Variants in CACNA2D2 observed in about 807,000 individuals in gnomAD.
CACNA2D2 encodes the protein calcium voltage-gated channel auxiliary subunit alpha2delta 2.
A neutral mutation model predicts 166.4 loss-of-function variants in CACNA2D2; 48 were observed. The observed-to-expected ratio is 0.29, with a 90% CI of 0.23 to 0.37. The LOEUF (loss-of-function observed/expected upper bound fraction) is 0.37. Ranked by LOEUF, CACNA2D2 falls within the 10% of genes least tolerant of loss-of-function variation. The probability of loss-of-function intolerance (pLI) is 1.00; values close to 1 mark genes in which losing one functional copy is unlikely to be tolerated. For synonymous variants in CACNA2D2, 561 were observed against 573.7 expected (o/e 0.98, Z 0.32); for missense variants, 1,122 against 1,433.0 (o/e 0.78, Z 3.50).
At chr3:50,481,132 A>G (rs2107115814) in intron 1 of CACNA2D2, among the ~76,000 whole-genome samples, 1 of 152,204 alleles carries the variant, frequency 6.6e-6, no homozygotes, top group Admixed American at 6.5e-5. Flanking sequence ...AAAAAACCAG[A>G]GACAGGTGAC....
At chr3:50,392,077 C>T (rs1705917016) in intron 4 of CACNA2D2, among the ~76,000 whole-genome samples, 1 of 152,178 alleles carries the variant, frequency 6.6e-6, no homozygotes, top group Non-Finnish European at 1.5e-5. Flanking sequence ...AGGTGCCTCT[C>T]CTGAGTTCTG....
rs1447034971 is a variant in CACNA2D2 at position 50,374,812 on chromosome 3, G to A, written c.1909C>T (p.Leu637=). 1.9e-6 allele frequency: 3 copies of A among 1,587,524 alleles called. No homozygotes were observed. The highest frequency in any genetic ancestry group is 2.6e-6 in the Non-Finnish European group (3 of 1,167,680). The change falls in exon 22 of 38, where the codon CTG becomes TTG. Residue 637 remains leucine, a splice_region_variant and synonymous_variant. Coordinates refer to ENST00000424201, the MANE Select transcript of CACNA2D2 (RefSeq NM_006030.4). ...WVPIRSTNYS[L]GLVLPPYSTF... ...CTGTAGGGTGGGAGCACCAGCCCCAGGCTGAGGGGGGAGAAGCTCGGGTCA... is the reference window on the plus strand; with the variant it reads ...CTGTAGGGTGGGAGCACCAGCCCCAAGCTGAGGGGGGAGAAGCTCGGGTCA...
At chr3:50,500,198 G>C (rs1354896046) in intron 1 of CACNA2D2, among the ~76,000 whole-genome samples, 1 of 152,228 alleles carries the variant, frequency 6.6e-6, no homozygotes, top group Non-Finnish European at 1.5e-5. Flanking sequence ...CACGTACTCT[G>C]GTTGTCATTA....
rs550599503 is a variant in CACNA2D2 at position 50,449,405 on chromosome 3, C to A, written c.289-14976G>T. ...CTCTAGGAGGTGATGCATGAGCAGT[C>A]GCCCAGGAGAGCTGGGGGATGGGCC... On this transcript the variant is annotated intron_variant, in intron 2 of 37. Coordinates refer to ENST00000424201, the MANE Select transcript of CACNA2D2 (RefSeq NM_006030.4). 3.1e-4 allele frequency among the ~76,000 whole-genome samples: 47 copies of A among 152,308 alleles called. No individual in the cohort carries two copies. The South Asian group carries it at 9.7e-3, about 32-fold the overall frequency.
chr3:50,390,185 G>A (rs62260810), intron 4 of CACNA2D2, among the ~76,000 whole-genome samples: 12,940 of 152,216 alleles, frequency 0.085, 737 homozygotes, highest in Middle Eastern at 0.19. Flanking sequence ...ACCTGGACAC[G>A]TGAGCTCTGG....
rs1464421918 is a variant in CACNA2D2 at position 50,376,583 on chromosome 3, G to C, written c.1627-395C>G. On this transcript the variant is annotated intron_variant, in intron 17 of 37. Coordinates refer to ENST00000424201, the MANE Select transcript of CACNA2D2 (RefSeq NM_006030.4). The surrounding 1 kb of genome is among the most constrained non-coding windows in gnomAD (Gnocchi z 4.3). ...TGCCTCCTCCTTGTCCCCACGTCAA[G>C]AGAGAGCAGCGGGACGAGTGGACCC... Among the ~76,000 whole-genome samples, 1 of 152,176 alleles carries C rather than the reference G, an allele frequency of 6.6e-6. No homozygotes were observed. The highest frequency in any genetic ancestry group is 1.5e-5 in the Non-Finnish European group (1 of 68,026).
At chr3:50,390,913 G>C (rs1369094994) in intron 4 of CACNA2D2, among the ~76,000 whole-genome samples, 1 of 152,254 alleles carries the variant, frequency 6.6e-6, no homozygotes, top group Non-Finnish European at 1.5e-5. Flanking sequence ...CTGCCCACCA[G>C]CTGCCTGTGC....
chr3:50,454,866 C>T (rs1709278614), intron 2 of CACNA2D2, among the ~76,000 whole-genome samples: 1 of 152,186 alleles, frequency 6.6e-6, no homozygotes, highest in South Asian at 2.1e-4. Flanking sequence ...GGTCAGCTCT[C>T]ATCCTGCCCT....
At chr3:50,501,565 G>A (rs545222595) in intron 1 of CACNA2D2, among the ~76,000 whole-genome samples, 2 of 152,262 alleles carry the variant, frequency 1.3e-5, no homozygotes, top group South Asian at 2.1e-4. Flanking sequence ...TTCTCACATC[G>A]GCCTTCTAGA....
intron 2 of CACNA2D2, among the ~76,000 whole-genome samples, chr3:50,444,593 C>T (rs1708757278): frequency 6.6e-6 from 1 of 152,198 alleles, no homozygotes; most frequent in South Asian, 2.1e-4. Flanking sequence ...CTGCAGGGAC[C>T]AACTTTCCCG....
At chr3:50,417,754 C>T (rs371273702) in intron 3 of CACNA2D2, among the ~76,000 whole-genome samples, 2 of 152,318 alleles carry the variant, frequency 1.3e-5, no homozygotes, top group East Asian at 1.9e-4. Flanking sequence ...CCTCTGGCAC[C>T]TATGACAGCC....
chr3:50,498,236 C>T (rs2107184473), intron 1 of CACNA2D2, among the ~76,000 whole-genome samples: 1 of 152,310 alleles, frequency 6.6e-6, no homozygotes, highest in East Asian at 1.9e-4. Flanking sequence ...GGAGAGTTCC[C>T]TAGCAACAAG....
At chr3:50,396,623 C>A (rs570853741) in intron 3 of CACNA2D2, among the ~76,000 whole-genome samples, 1 of 152,124 alleles carries the variant, frequency 6.6e-6, no homozygotes, top group Non-Finnish European at 1.5e-5. Flanking sequence ...GTGACTTGTA[C>A]GGTTCGCAAT....
intron 2 of CACNA2D2, among the ~76,000 whole-genome samples, chr3:50,444,663 A>G (rs1054145673): frequency 6.6e-6 from 1 of 152,232 alleles, no homozygotes; most frequent in Non-Finnish European, 1.5e-5. Flanking sequence ...GTCACCACAT[A>G]AAGACAGCAC....
At chr3:50,370,182 T>G in intron 23 of CACNA2D2, 138 bp downstream of exon 23, 1 of 674,906 alleles carries the variant, frequency 1.5e-6, no homozygotes, top group South Asian at 1.7e-5. Context: ...CAGCCGCGCA[T>G]ACCGGGCGAT....
chr3:50,370,229 G>C (rs1255964312), intron 23 of CACNA2D2, 91 bp downstream of exon 23: 1 of 878,826 alleles, frequency 1.1e-6, no homozygotes, highest in Admixed American at 2.0e-5. Flanking sequence ...ACAGGACACA[G>C]ACACACAGAG....
chr3:50,462,697 A>C (rs1709645973), intron 2 of CACNA2D2, among the ~76,000 whole-genome samples: 1 of 151,996 alleles, frequency 6.6e-6, no homozygotes, highest in Admixed American at 6.5e-5. Context: ...TAGCGACATA[A>C]GTATGTCATT....
At chr3:50,403,556 T>C (rs1296728116) in intron 3 of CACNA2D2, among the ~76,000 whole-genome samples, 2 of 152,014 alleles carry the variant, frequency 1.3e-5, no homozygotes, top group Admixed American at 1.3e-4. Context: ...ACCTTCAGAC[T>C]CCCAACCAAA....
At position 50,417,947 on chromosome 3, in the gene CACNA2D2, G is replaced by C. The variant is rs1575656415; in HGVS notation, c.405+16366C>G. ...GGATGGGTGGAGCCTGGCAGGATGG[G>C]GTTCAGGGAGCACCAACATGTGCTA... On this transcript the variant is annotated intron_variant, in intron 3 of 37. Coordinates refer to ENST00000424201, the MANE Select transcript of CACNA2D2 (RefSeq NM_006030.4). Among the ~76,000 whole-genome samples the C allele has an allele frequency of 2.0e-5, 3 of 152,274 alleles. No homozygotes were observed. In the South Asian group the frequency reaches 6.2e-4, roughly 32 times the overall value.
Sources: allele counts gnomAD v4.1 joint callset (sites outside exome capture counted in the v4.1 genomes callset), GRCh38; gene constraint gnomAD v4.1.1; non-coding constraint Gnocchi (gnomAD v3.1); transcripts MANE v1.5; gene names NCBI Gene and HGNC (gene_info 2026-07-23, HGNC 2026-07-21).